Variants in SPAG5 observed in about 807,000 individuals in gnomAD.
The protein encoded by SPAG5 is sperm associated antigen 5, also known as sperm-associated antigen 5.
Under a neutral mutation model 145.4 loss-of-function variants are expected in SPAG5, and 99 were observed. That is an observed-to-expected ratio of 0.68 (90% CI 0.58 to 0.80). SPAG5 has a LOEUF of 0.80. SPAG5 is among the 30% of genes least tolerant of loss of function. The probability of loss-of-function intolerance (pLI) is 0.00; values close to 1 mark genes in which losing one functional copy is unlikely to be tolerated. For synonymous variants in SPAG5, 477 were observed against 525.4 expected, an observed-to-expected ratio of 0.91 and a Z score of 1.26; for missense variants, 1,192 against 1,416.0, an observed-to-expected ratio of 0.84 and a Z score of 2.54.
Position 28,579,121 on chromosome 17 carries a change from C to A in SPAG5, c.3117+20G>T. The A allele has an allele frequency of 6.2e-7, 1 of 1,600,326 alleles. No homozygotes were observed. Among genetic ancestry groups the A allele is most frequent in the Non-Finnish European group, 8.6e-7 (1 of 1,169,554 alleles). ...GCTGCCCCAGTTCTTCATCGCCCCACTTCTAGGTCCCTCCTTCACCTTGTA... is the reference window on the plus strand; with the variant it reads ...GCTGCCCCAGTTCTTCATCGCCCCAATTCTAGGTCCCTCCTTCACCTTGTA... On this transcript the variant is annotated intron_variant, in intron 19 of 23. Transcript: ENST00000321765.
chr17:28,591,683 G>A lies in SPAG5; in HGVS notation c.1437+15C>T. 7 of 1,590,330 alleles carry A rather than the reference G, an allele frequency of 4.4e-6. No homozygotes were observed. Among genetic ancestry groups the A allele is most frequent in the Non-Finnish European group, 6.0e-6 (7 of 1,166,274 alleles). On this transcript the variant is annotated intron_variant, in intron 4 of 23. Transcript: ENST00000321765. ...CCCACTGGGATCCCTCAAGCTTTGAGAGGAACCTTCTTACCCCACTGTGAG... is the reference window on the plus strand; with the variant it reads ...CCCACTGGGATCCCTCAAGCTTTGAAAGGAACCTTCTTACCCCACTGTGAG...
Position 28,585,874 on chromosome 17 carries a change from CCT to C in SPAG5, c.1728_1729del (p.Gly577GlnfsTer104). The C allele has an allele frequency of 6.2e-7, 1 of 1,614,218 alleles. No homozygotes were observed. The highest frequency in any genetic ancestry group is 8.5e-7 in the Non-Finnish European group (1 of 1,180,036). ...TGCCTGTCACCTTACCGCATCCTTGCCTCTGAGAGCCATTTCCTCTCTGTGCC... is the reference window on the plus strand; with the variant it reads ...TGCCTGTCACCTTACCGCATCCTTGCCTGAGAGCCATTTCCTCTCTGTGCC... On this transcript the variant is annotated frameshift_variant, in exon 7 of 24. Transcript: ENST00000321765. LOFTEE classifies it high-confidence loss of function.
intron 4 of SPAG5, among the ~76,000 whole-genome samples, chr17:28,587,769 AAT>A (rs1481507158): frequency 6.6e-6 from 1 of 152,016 alleles, no homozygotes; most frequent in African/African-American, 2.4e-5. Flanking sequence ...CCTGCAGATA[AAT>A]AGAGTATGCT....
chr17:28,585,771 G>T, intron 7 of SPAG5, 93 bp downstream of exon 7: 1 of 1,606,666 alleles, frequency 6.2e-7, no homozygotes, highest in Non-Finnish European at 8.5e-7. Context: ...CAGTTCTTAG[G>T]CCACCCATCT....
rs772860889 is a variant in SPAG5 at position 28,578,219 on chromosome 17, T to C, written c.3428A>G (p.His1143Arg). Residue 1143 changes from histidine to arginine, a missense_variant and splice_region_variant, in exon 22 of 24, where the codon CAT becomes CGT. His to Arg is a conservative substitution (Grantham distance 29, BLOSUM62 0). Transcript: ENST00000321765. ...CTGGAATGGCATGGACATTCTTACA[T>C]GGCTCTGGAACTTGATCATGAGTTT... ...KEKLMIKFQSHRNILEENLRR... is the reference protein window; with the variant it reads ...KEKLMIKFQSRRNILEENLRR... 8 of 1,614,100 alleles carry C rather than the reference T, an allele frequency of 5.0e-6. No individual in the cohort carries two copies. Among genetic ancestry groups the C allele is most frequent in the Non-Finnish European group, 5.9e-6 (7 of 1,180,028 alleles).
intron 9 of SPAG5, 25 bp from the exon 10 acceptor site, chr17:28,585,240 G>T: frequency 6.2e-7 from 1 of 1,612,510 alleles, no homozygotes; most frequent in South Asian, 1.1e-5. Flanking sequence ...AAGCAGGTCA[G>T]TAGAGCACAC....
rs771151183 is a variant in SPAG5, at chr17:28,584,173, G to A, written c.2389C>T (p.Arg797Trp). The A allele has an allele frequency of 2.7e-5, 43 of 1,613,828 alleles. 1 individual carries two copies. The highest frequency in any genetic ancestry group is 5.5e-5 in the South Asian group (5 of 91,092). ...QQQAVLAKEVRDLKETLEFAD... is the reference protein window; with the variant it reads ...QQQAVLAKEVWDLKETLEFAD... ...ACCTCCAAGGTCTCTTTCAGGTCCC[G>A]CACCTCTTTGGCCAGGACAGCTTGT... is the stretch of plus-strand genomic sequence containing the variant. The change falls in exon 13 of 24, where the codon CGG becomes TGG. Residue 797 changes from arginine to tryptophan, a missense_variant. This residue lies in a region of SPAG5 where 709 missense variants were observed against 840.7 expected (regional missense o/e 0.84). Transcript: ENST00000321765.
Position 28,584,696 on chromosome 17 carries a change from C to T in SPAG5, c.2117G>A (p.Gly706Asp). Reference protein sequence around the residue: ...QVSAQLEECKGQTEQLELENS... With the variant: ...QVSAQLEECKDQTEQLELENS... ...TTCCAACTCCAGTTGTTCTGTTTGG[C>T]CTTTGCACTCCTCTAACTGGGCAGA... Residue 706 changes from glycine (G) to aspartate (D), a missense_variant, in exon 11 of 24, where the codon GGC (glycine) becomes GAC (aspartate). Gly to Asp is a moderately conservative substitution (Grantham distance 94, BLOSUM62 -1). Transcript: ENST00000321765. The T allele has an allele frequency of 1.9e-6, 3 of 1,614,152 alleles. No individual in the cohort carries two copies. Among genetic ancestry groups the T allele is most frequent in the Non-Finnish European group, 2.5e-6 (3 of 1,180,018 alleles).
chr17:28,581,410 TCCTG>T (rs1210253661), intron 15 of SPAG5, among the ~76,000 whole-genome samples: 1 of 151,526 alleles, frequency 6.6e-6, no homozygotes, highest in Non-Finnish European at 1.5e-5. Flanking sequence ...GCCATCCTCG[TCCTG>T]CTACCTGGGA....
intron 2 of SPAG5, 137 bp downstream of exon 2, chr17:28,598,373 G>T: frequency 9.2e-7 from 1 of 1,086,098 alleles, no homozygotes; most frequent in Non-Finnish European, 1.3e-6. Context: ...CTGTTGGCCT[G>T]AATAGCTGTA....
Position 28,584,488 on chromosome 17 carries a change from A to C in SPAG5, c.2162-8T>G. The C allele has an allele frequency of 6.2e-7, 1 of 1,613,574 alleles. No homozygotes were observed. The highest frequency in any genetic ancestry group is 8.5e-7 in the Non-Finnish European group (1 of 1,180,034). ...GCAACTGAGCCCGGAGATCTAGAAC[A>C]AAAGTATCCTAATGACACCATGCGG... On this transcript the variant is annotated splice_polypyrimidine_tract_variant and splice_region_variant and intron_variant, in intron 11 of 23. Transcript: ENST00000321765.
At chr17:28,589,867 G>C (rs770040365) in intron 4 of SPAG5, among the ~76,000 whole-genome samples, 1 of 152,114 alleles carries the variant, frequency 6.6e-6, no homozygotes, top group Non-Finnish European at 1.5e-5. Context: ...AGCCCTGATC[G>C]CAACATGGTA....
Position 28,592,744 on chromosome 17 carries a change from T to C in SPAG5, c.500A>G (p.Asp167Gly), listed in dbSNP as rs1313111434. The change falls in exon 3 of 24, where the codon GAC (aspartate) becomes GGC (glycine). Residue 167 changes from aspartate to glycine, a missense_variant. By Grantham distance (94) the Asp-to-Gly change is moderately conservative (BLOSUM62 -1). Coordinates refer to ENST00000321765, the MANE Select transcript of SPAG5 (RefSeq NM_006461.4). ...TGCCACCTCCTCTCTCACCAGATCG[T>C]CTGTTCTCAAAGGTCCATTTAAAGA... is the stretch of plus-strand genomic sequence containing the variant. ...SISLNGPLRTDDLVREEVAPC... is the reference protein window; with the variant it reads ...SISLNGPLRTGDLVREEVAPC... The C allele has an allele frequency of 1.2e-6, 2 of 1,614,174 alleles. No individual in the cohort carries two copies. Among genetic ancestry groups the C allele is most frequent in the African/African-American group, 2.7e-5 (2 of 75,054 alleles).
intron 7 of SPAG5, 38 bp from the exon 8 acceptor site, chr17:28,585,691 C>A (rs771196072): frequency 6.2e-7 from 1 of 1,612,120 alleles, no homozygotes; most frequent in South Asian, 1.1e-5. Context: ...CAGTGGGCAA[C>A]AGGGGAGCCA....
rs752096665 is a variant in SPAG5, at chr17:28,592,459, T to C, written c.785A>G (p.His262Arg). 1 of 1,613,780 alleles carries C rather than the reference T, an allele frequency of 6.2e-7. No individual in the cohort carries two copies. Among genetic ancestry groups the C allele is most frequent in the Non-Finnish European group, 8.5e-7 (1 of 1,180,036 alleles). Residue 262 changes from histidine (H) to arginine (R), a missense_variant, in exon 3 of 24, where the codon CAT (histidine) becomes CGT (arginine). Around this residue, in one of 5 missense-constraint regions of SPAG5, gnomAD observed 329 missense variants for 354.0 expected, o/e 0.93. Transcript: ENST00000321765. ...TACAATTTCCTCCTCTGGGTCCACA[T>C]GATTGACACGGAAATCTGCTGCCAA... The part of the protein sequence containing the change: ...TALAADFRVN[H>R]VDPEEEIVEH...
Position 28,578,488 on chromosome 17 carries a change from C to A in SPAG5, c.3239G>T (p.Arg1080Leu). 1 of 1,612,422 alleles carries A rather than the reference C, an allele frequency of 6.2e-7. No homozygotes were observed. Among genetic ancestry groups the A allele is most frequent in the Non-Finnish European group, 8.5e-7 (1 of 1,180,030 alleles). The change falls in exon 21 of 24, where the codon CGG becomes CTG. Residue 1080 changes from arginine to leucine, a missense_variant. By Grantham distance (102) the Arg-to-Leu change is moderately radical. Coordinates refer to ENST00000321765, the MANE Select transcript of SPAG5 (RefSeq NM_006461.4). ...EEVTHLTRSL[R>L]RAETETKVLQ... is the part of the protein sequence containing the mutation. ...CACTTTGGTCTCTGTCTCCGCACGC[C>A]GAAGTGAGCGGGTAAGGTGGGTCAC...
At chr17:28,591,650 C>A in intron 4 of SPAG5, 48 bp downstream of exon 4, 1 of 1,514,982 alleles carries the variant, frequency 6.6e-7, no homozygotes, top group Non-Finnish European at 9.0e-7. Flanking sequence ...GCTTAAATTC[C>A]AAGGATCCCC....
chr17:28,578,423 G>A lies in SPAG5; in HGVS notation c.3304C>T (p.Gln1102Ter). ...TGGATCCAATTGGTGGCCATAGGCT[G>A]GCAGTTGGAGTCCAGCTGGCCTGCC... ...ALAGQLDSNC[Q>*]PMATNWIQEK... The change falls in exon 21 of 24, where the codon CAG becomes TAG. Residue 1102 changes from glutamine (Q) to a stop codon, truncating the protein, a stop_gained. Coordinates refer to ENST00000321765, the MANE Select transcript of SPAG5 (RefSeq NM_006461.4). LOFTEE classifies it high-confidence loss of function. 6.2e-7 allele frequency: 1 copy of A among 1,614,160 alleles called. No homozygotes were observed. The highest frequency in any genetic ancestry group is 8.5e-7 in the Non-Finnish European group (1 of 1,180,016).
chr17:28,586,964 TG>T (rs1319698476), intron 4 of SPAG5, among the ~76,000 whole-genome samples: 1 of 151,950 alleles, frequency 6.6e-6, no homozygotes, highest in African/African-American at 2.4e-5. Context: ...TATGTTGCCC[TG>T]GCTGGTCTCA....
Sources: allele counts gnomAD v4.1 joint callset (sites outside exome capture counted in the v4.1 genomes callset), GRCh38; gene constraint gnomAD v4.1.1; regional missense constraint gnomAD v4.1.1; transcripts MANE v1.5; gene names NCBI Gene and HGNC (gene_info 2026-07-23, HGNC 2026-07-21).